Variants in PARD3 observed in about 807,000 individuals in gnomAD.
PARD3 encodes partitioning defective 3 homolog.
Under a neutral mutation model 155.4 loss-of-function variants are expected in PARD3, and 75 were observed. The ratio of observed to expected loss-of-function variants is 0.48; its 90% CI spans 0.40 to 0.58. The LOEUF is 0.58. Ranked by LOEUF, PARD3 falls within the 20% of genes least tolerant of loss-of-function variation. PARD3 has a pLI of 0.00. For synonymous variants in PARD3, 576 were observed against 610.5 expected, an observed-to-expected ratio of 0.94 and a Z score of 0.83; for missense variants, 1,642 against 1,721.7, an observed-to-expected ratio of 0.95 and a Z score of 0.82.
rs1841070454 is a variant in PARD3 at position 34,375,005 on chromosome 10, A to G, written c.1540-3T>C. 1 of 1,612,806 alleles carries G rather than the reference A, an allele frequency of 6.2e-7. No individual in the cohort carries two copies. The highest frequency in any genetic ancestry group is 8.5e-7 in the Non-Finnish European group (1 of 1,179,370). ...CCCACTAAATCTACTCCATTTACCT[A>G]AAACAAAACAAAAGTTTTCAGCTGT... On this transcript the variant is annotated splice_region_variant and splice_polypyrimidine_tract_variant and intron_variant, in intron 10 of 24. Transcript: ENST00000374788.
At chr10:34,455,842 T>G (rs766678611) in intron 4 of PARD3, among the ~76,000 whole-genome samples, 38 of 152,154 alleles carry the variant, frequency 2.5e-4, no homozygotes, top group Non-Finnish European at 5.0e-4. Flanking sequence ...ATATTTGAAA[T>G]CCATGCAAAC....
rs7893854 is a variant in PARD3, at chr10:34,501,115, G to T, written c.403+15864C>A. Reference sequence around the variant, plus strand: ...ATATGGCTCACCTAAATAAAAAATGGTCTCAAAGAAATACTCACTGATATG... The same window carrying T: ...ATATGGCTCACCTAAATAAAAAATGTTCTCAAAGAAATACTCACTGATATG... On this transcript the variant is annotated intron_variant, in intron 3 of 24. Transcript: ENST00000374788. Among the ~76,000 whole-genome samples the T allele has an allele frequency of 9.2e-3, 1,407 of 152,168 alleles. 27 individuals are homozygous for T. The highest frequency in any genetic ancestry group is 0.032 in the African/African-American group (1,346 of 41,518).
At chr10:34,732,103 C>A (rs2094828858) in intron 1 of PARD3, among the ~76,000 whole-genome samples, 1 of 152,022 alleles carries the variant, frequency 6.6e-6, no homozygotes, top group Non-Finnish European at 1.5e-5. Flanking sequence ...AAGGGCTATT[C>A]GATGAAAACA....
intron 3 of PARD3, among the ~76,000 whole-genome samples, chr10:34,509,718 T>C (rs2081289791): frequency 6.6e-6 from 1 of 152,150 alleles, no homozygotes; most frequent in Non-Finnish European, 1.5e-5. Flanking sequence ...AGGAAAGTCA[T>C]GATAGTGTCC....
intron 1 of PARD3, among the ~76,000 whole-genome samples, chr10:34,698,413 AATG>A: frequency 6.6e-6 from 1 of 152,248 alleles, no homozygotes; most frequent in East Asian, 1.9e-4. Flanking sequence ...CAAGGCCTCC[AATG>A]CCTGGACCAC....
rs765686445 is a variant in PARD3, at chr10:34,526,080, C to CAAA, written c.223-8924_223-8922dup. Among the ~76,000 whole-genome samples the CAAA allele has an allele frequency of 2.7e-4, 14 of 51,828 alleles. 1 individual carries two copies. Among genetic ancestry groups the CAAA allele is most frequent in the Non-Finnish European group, 3.6e-4 (10 of 27,478 alleles). The allele number at this position is 51,828 out of a possible 152,430, so 34.0% of individuals were successfully genotyped here. A position where few individuals can be genotyped will look rare whatever the true frequency, so the allele number is the denominator to read the frequency against. ...CTGGTGGCAGAGAGAGACTCCGTAT[C>CAAA]AAAAAAAAAAAAAAAAAAAAAAAAA... On this transcript the variant is annotated intron_variant, in intron 2 of 24. Coordinates refer to ENST00000374788, the MANE Select transcript of PARD3 (RefSeq NM_001184785.2).
At chr10:34,225,698 C>T (rs1198522113) in intron 22 of PARD3, among the ~76,000 whole-genome samples, 3 of 152,240 alleles carry the variant, frequency 2.0e-5, no homozygotes, top group East Asian at 3.9e-4. Context: ...AGCAAGATAA[C>T]TTGAGTTTCT....
At chr10:34,533,552 A>C (rs1341926074) in intron 2 of PARD3, among the ~76,000 whole-genome samples, 1 of 152,022 alleles carries the variant, frequency 6.6e-6, no homozygotes, top group Non-Finnish European at 1.5e-5. Flanking sequence ...CACACCTATA[A>C]TCCCAGAACT....
chr10:34,422,438 TA>T (rs1381196470), intron 5 of PARD3, among the ~76,000 whole-genome samples: 3 of 151,678 alleles, frequency 2.0e-5, no homozygotes, highest in Non-Finnish European at 4.4e-5. Flanking sequence ...TGCATCAAAC[TA>T]AACTAAAAAG....
intron 7 of PARD3, among the ~76,000 whole-genome samples, chr10:34,387,458 G>A (rs1341796379): frequency 6.6e-6 from 1 of 152,030 alleles, no homozygotes; most frequent in Non-Finnish European, 1.5e-5. Flanking sequence ...TGTCACCCAG[G>A]CTGGAGGTAT....
intron 22 of PARD3, among the ~76,000 whole-genome samples, chr10:34,256,148 T>A (rs952469063): frequency 1.3e-5 from 2 of 152,386 alleles, no homozygotes; most frequent in East Asian, 3.9e-4. Context: ...TTTCAACATA[T>A]TCGCTAATTA....
At chr10:34,688,284 C>A (rs1458320110) in intron 2 of PARD3, among the ~76,000 whole-genome samples, 1 of 152,102 alleles carries the variant, frequency 6.6e-6, no homozygotes. Flanking sequence ...CTGTACTACC[C>A]ACAGGGAATA....
intron 9 of PARD3, among the ~76,000 whole-genome samples, chr10:34,380,054 T>C (rs1254720186): frequency 2.0e-5 from 3 of 152,100 alleles, no homozygotes; most frequent in Non-Finnish European, 4.4e-5. Context: ...TTTAATGTAC[T>C]TCACTAATAA....
intron 2 of PARD3, among the ~76,000 whole-genome samples, chr10:34,644,647 G>A (rs2092780634): frequency 6.6e-6 from 1 of 152,174 alleles, no homozygotes; most frequent in African/African-American, 2.4e-5. Context: ...TCATTTCTCA[G>A]GGTCATCACT....
At chr10:34,505,820 G>T (rs2081024439) in intron 3 of PARD3, among the ~76,000 whole-genome samples, 1 of 152,140 alleles carries the variant, frequency 6.6e-6, no homozygotes, top group Admixed American at 6.5e-5. Flanking sequence ...TGTTTATTCT[G>T]CTTAAAGACA....
chr10:34,583,583 C>T (rs1335648533), intron 2 of PARD3, among the ~76,000 whole-genome samples: 1 of 152,022 alleles, frequency 6.6e-6, no homozygotes, highest in East Asian at 1.9e-4. Flanking sequence ...GTCCAGCCTT[C>T]TAAATTGAGG....
intron 2 of PARD3, among the ~76,000 whole-genome samples, chr10:34,518,427 G>A (rs896717911): frequency 6.6e-6 from 1 of 152,122 alleles, no homozygotes; most frequent in South Asian, 2.1e-4. Flanking sequence ...TGTGGTCAGG[G>A]AAACACATGG....
chr10:34,339,758 AAG>A (rs1365419201), intron 16 of PARD3, among the ~76,000 whole-genome samples: 4 of 152,218 alleles, frequency 2.6e-5, no homozygotes, highest in South Asian at 4.1e-4. Flanking sequence ...GTGCATTAGT[AAG>A]AGTCTTAAAT....
At chr10:34,329,455 G>A (rs1835383075) in intron 19 of PARD3, among the ~76,000 whole-genome samples, 1 of 152,092 alleles carries the variant, frequency 6.6e-6, no homozygotes, top group African/African-American at 2.4e-5. Flanking sequence ...TGATTAGGAT[G>A]GCAAGGAACC....
Sources: gnomAD v4.1 joint callset for allele counts (sites outside exome capture counted in the v4.1 genomes callset) on GRCh38, gnomAD v4.1.1 for gene constraint, MANE v1.5 for transcripts, NCBI Gene and HGNC (gene_info 2026-07-23, HGNC 2026-07-21) for gene names.